Variants in NECTIN3 observed in about 807,000 individuals in gnomAD.
NECTIN3 encodes nectin cell adhesion molecule 3, also known as nectin-3.
In NECTIN3, 8 loss-of-function variants were observed where a neutral mutation model predicts 49.4. The observed-to-expected ratio is 0.16, with a 90% confidence interval of 0.10 to 0.29. NECTIN3 has a LOEUF of 0.29. Ranked by LOEUF, NECTIN3 falls within the 10% of genes least tolerant of loss-of-function variation. NECTIN3 has a pLI of 1.00. For missense variants in NECTIN3, 581 were observed against 654.6 expected, an observed-to-expected ratio of 0.89 and a Z score of 1.23; for synonymous variants, 277 against 241.1, an observed-to-expected ratio of 1.15 and a Z score of -1.38.
chr3:111,078,153 C>T (rs2031351291), intron 1 of NECTIN3, among the ~76,000 whole-genome samples: 1 of 152,124 alleles, frequency 6.6e-6, no homozygotes, highest in Non-Finnish European at 1.5e-5. Context: ...CTGGTGGCTA[C>T]CAGTTTGGAT....
At chr3:111,107,241 A>G (rs1272397169) in intron 1 of NECTIN3, among the ~76,000 whole-genome samples, 4 of 152,070 alleles carry the variant, frequency 2.6e-5, no homozygotes, top group Admixed American at 1.3e-4. Context: ...CTCTGTAAAT[A>G]TTGACTGAAT....
At chr3:111,189,439 T>G (rs1258072092), upstream of NECTIN3, among the ~76,000 whole-genome samples, 6 of 152,206 alleles carry the variant, frequency 3.9e-5, no homozygotes, top group Non-Finnish European at 5.9e-5. Flanking sequence ...AAATTGATTT[T>G]TTAAAGATAT....
intron 2 of NECTIN3, among the ~76,000 whole-genome samples, chr3:111,115,849 T>C (rs909146606): frequency 3.3e-5 from 5 of 152,222 alleles, no homozygotes; most frequent in Admixed American, 3.3e-4. Context: ...ACTGATTGGA[T>C]ATAAGAAGTA....
At chr3:111,123,984 G>A (rs1319950561) in intron 4 of NECTIN3, among the ~76,000 whole-genome samples, 1 of 152,066 alleles carries the variant, frequency 6.6e-6, no homozygotes, top group East Asian at 1.9e-4. Context: ...TCTGCCTCCT[G>A]TTTTCTCCTC....
chr3:111,100,832 A>C (rs1309381581), intron 1 of NECTIN3, among the ~76,000 whole-genome samples: 1 of 151,168 alleles, frequency 6.6e-6, no homozygotes, highest in Non-Finnish European at 1.5e-5. Context: ...TGTTATGAAA[A>C]CTCTGTCTCT....
chr3:111,183,638 T>C (rs1381282512), intron 7 of NECTIN3, among the ~76,000 whole-genome samples: 1 of 152,114 alleles, frequency 6.6e-6, no homozygotes, highest in Admixed American at 6.5e-5. Context: ...TTATGGGATA[T>C]AGAATTCTAG....
chr3:111,106,150 C>T (rs374440654), intron 1 of NECTIN3, among the ~76,000 whole-genome samples: 8 of 152,058 alleles, frequency 5.3e-5, no homozygotes, highest in African/African-American at 1.7e-4. Context: ...ACTATGGATC[C>T]TTGACATTTA....
chr3:111,072,107 G>A lies in NECTIN3; in HGVS notation c.90G>A (p.Leu30=), dbSNP rs1159775884. 6.5e-7 allele frequency: 1 copy of A among 1,549,552 alleles called. No homozygotes were observed. The highest frequency in any genetic ancestry group is 1.4e-5 in the African/African-American group (1 of 72,922). The change falls in exon 1 of 6, where the codon CTG becomes CTA. Residue 30 remains leucine, a synonymous_variant. Coordinates refer to ENST00000485303, the MANE Select transcript of NECTIN3 (RefSeq NM_015480.3). ...SSASLLGAGL[L]LQPPTPPPLL... Reference sequence around the variant, plus strand: ...CTTCTCTCCTCGGAGCCGGGCTCCTGCTGCAGCCCCCGACGCCACCTCCGC... The same window carrying A: ...CTTCTCTCCTCGGAGCCGGGCTCCTACTGCAGCCCCCGACGCCACCTCCGC...
intron 7 of NECTIN3, among the ~76,000 whole-genome samples, chr3:111,172,713 A>T (rs2035456577): frequency 6.6e-6 from 1 of 152,210 alleles, no homozygotes; most frequent in Non-Finnish European, 1.5e-5. Context: ...TATCAGGTGA[A>T]TATTTTTCCT....
rs755022112 is a variant in NECTIN3 at position 111,118,735 on chromosome 3, C to T, written c.582C>T (p.Ile194=). 1.2e-6 allele frequency: 2 copies of T among 1,613,924 alleles called. No homozygotes were observed. Among genetic ancestry groups the T allele is most frequent in the South Asian group, 2.2e-5 (2 of 91,086 alleles). ...ATGAAACAGTAGCAGCCATTTGCAT[C>T]GCAGCCACTGGAAAACCCGTTGCAC... is the stretch of plus-strand genomic sequence containing the variant. ...GGNETVAAIC[I]AATGKPVAHI... is the part of the protein sequence containing the mutation. Residue 194 remains isoleucine, a synonymous_variant, in exon 3 of 6, where the codon ATC becomes ATT. Transcript: ENST00000485303.
At chr3:111,145,007 G>C in exon 6 of NECTIN3, 1 of 1,534,606 alleles carries the variant, frequency 6.5e-7, no homozygotes. Context: ...CTGACTCCTC[G>C]AAAAAAAAGA....
chr3:111,103,275 C>T (rs928720229), intron 1 of NECTIN3, among the ~76,000 whole-genome samples: 5 of 152,168 alleles, frequency 3.3e-5, no homozygotes, highest in East Asian at 1.9e-4. Flanking sequence ...CATGAAATAT[C>T]TCCCCATTTA....
chr3:111,186,394 A>G (rs1480622427), intron 7 of NECTIN3, among the ~76,000 whole-genome samples: 1 of 152,132 alleles, frequency 6.6e-6, no homozygotes, highest in African/African-American at 2.4e-5. Context: ...GAGAGCCCAA[A>G]AATAAAGCTG....
intron 7 of NECTIN3, among the ~76,000 whole-genome samples, chr3:111,173,540 A>G (rs2035471208): frequency 6.6e-6 from 1 of 152,194 alleles, no homozygotes; most frequent in African/African-American, 2.4e-5. Flanking sequence ...TCTCTTGAAG[A>G]ACAATCACTT....
chr3:111,102,026 T>C (rs777843815), intron 1 of NECTIN3, among the ~76,000 whole-genome samples: 2 of 152,156 alleles, frequency 1.3e-5, no homozygotes, highest in African/African-American at 4.8e-5. Context: ...CTCTGGACTA[T>C]GGCAAATGAT....
chr3:111,074,668 AAATGAGAGT>A (rs2107347334), intron 1 of NECTIN3, among the ~76,000 whole-genome samples: 1 of 152,160 alleles, frequency 6.6e-6, no homozygotes, highest in Non-Finnish European at 1.5e-5. Flanking sequence ...TGAACTTTTA[AAATGAGAGT>A]TTTACAGGTT....
intron 3 of NECTIN3, among the ~76,000 whole-genome samples, chr3:111,119,256 C>G (rs1195081356): frequency 6.6e-6 from 1 of 152,184 alleles, no homozygotes; most frequent in South Asian, 2.1e-4. Context: ...GGGCAAACAA[C>G]TTCTACATTC....
chr3:111,088,254 G>A, intron 1 of NECTIN3, among the ~76,000 whole-genome samples: 1 of 152,098 alleles, frequency 6.6e-6, no homozygotes, highest in East Asian at 1.9e-4. Context: ...TAGCTTTGTT[G>A]CTTCCCATTG....
intron 1 of NECTIN3, among the ~76,000 whole-genome samples, chr3:111,084,681 A>G (rs2031826664): frequency 6.6e-6 from 1 of 152,192 alleles, no homozygotes; most frequent in Non-Finnish European, 1.5e-5. Context: ...GTAGAAATGG[A>G]AGGGAAAGGT....
Sources: gnomAD v4.1 joint callset for allele counts (sites outside exome capture counted in the v4.1 genomes callset) on GRCh38, gnomAD v4.1.1 for gene constraint, MANE v1.5 for transcripts, NCBI Gene and HGNC (gene_info 2026-07-23, HGNC 2026-07-21) for gene names.